The following MAF variants were observed in gnomAD, a reference collection of about 807,000 sequenced individuals.
MAF encodes transcription factor Maf.
Under a neutral mutation model 22.0 loss-of-function variants are expected in MAF, and 10 were observed. The observed-to-expected ratio is 0.45, with a 90% confidence interval of 0.28 to 0.77. MAF has a LOEUF of 0.77. MAF is among the 30% of genes least tolerant of loss of function. The pLI, the probability that MAF is intolerant of heterozygous loss-of-function variation, is 0.12. For synonymous variants in MAF, 337 were observed against 255.8 expected (o/e 1.32, Z -3.03); for missense variants, 544 against 548.4 (o/e 0.99, Z 0.08).
chr16:79,423,406 G>T, the MAF span, among the ~76,000 whole-genome samples: 4 of 152,148 alleles, frequency 2.6e-5, no homozygotes, highest in Non-Finnish European at 5.9e-5. Context: ...TATAAGGGCC[G>T]TGGAGGCTAT....
the MAF span, among the ~76,000 whole-genome samples, chr16:79,371,122 C>G: frequency 1.5e-5 from 2 of 135,218 alleles, no homozygotes; most frequent in Non-Finnish European, 3.2e-5. Flanking sequence ...CCCAAACATT[C>G]ATTCACATTT....
chr16:79,223,988 G>T, the MAF span, among the ~76,000 whole-genome samples: 4 of 152,096 alleles, frequency 2.6e-5, no homozygotes, highest in Non-Finnish European at 1.5e-5. Context: ...GGAAAAGAAG[G>T]AATCCTCCTT....
the MAF span, among the ~76,000 whole-genome samples, chr16:79,333,288 C>T: frequency 6.6e-6 from 1 of 152,134 alleles, no homozygotes; most frequent in Admixed American, 6.5e-5. Context: ...GATCTGACCC[C>T]ACCTGAGCTC....
the MAF span, among the ~76,000 whole-genome samples, chr16:79,423,234 G>A: frequency 1.3e-5 from 2 of 152,304 alleles, no homozygotes; most frequent in Middle Eastern, 6.8e-3. Flanking sequence ...ATTTAACTGG[G>A]TGTCCTGTTT....
At chr16:79,535,423 T>C in the MAF span, among the ~76,000 whole-genome samples, 11 of 150,772 alleles carry the variant, frequency 7.3e-5, no homozygotes, top group African/African-American at 2.7e-4. Flanking sequence ...TTATGGGTCA[T>C]GGCAAATTAC....
At chr16:79,481,551 C>T in the MAF span, among the ~76,000 whole-genome samples, 11 of 152,132 alleles carry the variant, frequency 7.2e-5, no homozygotes, top group African/African-American at 1.7e-4. Flanking sequence ...CCATTGACTA[C>T]CTTTTAATCC....
chr16:79,427,110 T>C, the MAF span, among the ~76,000 whole-genome samples: 1 of 152,242 alleles, frequency 6.6e-6, no homozygotes, highest in African/African-American at 2.4e-5. Flanking sequence ...GGACCACACG[T>C]GATAATGAGT....
At chr16:79,588,418 A>C (rs77559571) in intron 1 of MAF, among the ~76,000 whole-genome samples, 1 of 151,754 alleles carries the variant, frequency 6.6e-6, no homozygotes, top group Non-Finnish European at 1.5e-5. Context: ...GGAACTGTAG[A>C]TTTTTCTCTT....
At chr16:79,284,003 GT>G in the MAF span, among the ~76,000 whole-genome samples, 2 of 145,680 alleles carry the variant, frequency 1.4e-5, no homozygotes, top group Admixed American at 1.4e-4. Flanking sequence ...CCCCATAGTA[GT>G]GATTGATGGC....
the MAF span, among the ~76,000 whole-genome samples, chr16:79,361,338 AC>A: frequency 5.3e-5 from 8 of 152,294 alleles, no homozygotes; most frequent in Middle Eastern, 3.4e-3. Context: ...TGTGGAAATC[AC>A]CAATGATTGG....
At chr16:79,354,135 C>A in the MAF span, among the ~76,000 whole-genome samples, 1 of 152,042 alleles carries the variant, frequency 6.6e-6, no homozygotes, top group Non-Finnish European at 1.5e-5. Flanking sequence ...GCTTGGACTA[C>A]AAGTGCGCAC....
At chr16:79,443,208 C>G in the MAF span, among the ~76,000 whole-genome samples, 1 of 152,204 alleles carries the variant, frequency 6.6e-6, no homozygotes, top group Non-Finnish European at 1.5e-5. Context: ...GAAGCTGTCA[C>G]TTTGCTTCCT....
At chr16:79,518,342 C>A in the MAF span, among the ~76,000 whole-genome samples, 2 of 152,216 alleles carry the variant, frequency 1.3e-5, no homozygotes, top group Non-Finnish European at 2.9e-5. Context: ...GTGTCCTTCT[C>A]TGGGCATCTC....
the MAF span, among the ~76,000 whole-genome samples, chr16:79,410,201 C>G: frequency 6.6e-6 from 1 of 152,202 alleles, no homozygotes; most frequent in African/African-American, 2.4e-5. Context: ...GATTTCTGTA[C>G]GTCACTTCCC....
chr16:79,550,119 T>A, the MAF span, among the ~76,000 whole-genome samples: 1 of 152,162 alleles, frequency 6.6e-6, no homozygotes, highest in Non-Finnish European at 1.5e-5. Context: ...CTCTGAGCCC[T>A]TTTGTTCCCC....
chr16:79,389,373 C>T, the MAF span, among the ~76,000 whole-genome samples: 1 of 152,100 alleles, frequency 6.6e-6, no homozygotes, highest in East Asian at 1.9e-4. Context: ...GTGATTCTGC[C>T]TCAGCCTCCC....
At chr16:79,209,082 A>G in the MAF span, among the ~76,000 whole-genome samples, 10 of 152,384 alleles carry the variant, frequency 6.6e-5, no homozygotes, top group East Asian at 1.9e-3. Context: ...GATGGAATTT[A>G]GATGGTAAAT....
the MAF span, among the ~76,000 whole-genome samples, chr16:79,365,064 T>C: frequency 0.056 from 8,588 of 152,240 alleles, 565 homozygotes; most frequent in African/African-American, 0.16. Context: ...TGATGGTTTC[T>C]GATTGGTTAA....
At chr16:79,210,424 A>G in the MAF span, among the ~76,000 whole-genome samples, 1 of 152,180 alleles carries the variant, frequency 6.6e-6, no homozygotes, top group Non-Finnish European at 1.5e-5. Flanking sequence ...CATGGTCACA[A>G]TGTAAACCCT....
Sources: gnomAD v4.1 joint callset for allele counts (sites outside exome capture counted in the v4.1 genomes callset) on GRCh38, gnomAD v4.1.1 for gene constraint, MANE v1.5 for transcripts, NCBI Gene and HGNC (gene_info 2026-07-23, HGNC 2026-07-21) for gene names.